The following SULF1 variants were observed in gnomAD, a reference collection of about 807,000 sequenced individuals.
The protein encoded by SULF1 is extracellular sulfatase Sulf-1.
Under a neutral mutation model 110.5 loss-of-function variants are expected in SULF1, and 46 were observed. The ratio of observed to expected loss-of-function variants is 0.42; its 90% CI spans 0.33 to 0.53. The LOEUF (loss-of-function observed/expected upper bound fraction) is 0.53. SULF1 is among the 20% of genes least tolerant of loss of function. SULF1 has a pLI of 0.12. For missense variants in SULF1, 941 were observed against 1,094.2 expected (o/e 0.86, Z 1.98); for synonymous variants, 371 against 387.1 (o/e 0.96, Z 0.49).
chr8:69,632,651 C>A (rs1052922011), intron 19 of SULF1, among the ~76,000 whole-genome samples: 1 of 152,018 alleles, frequency 6.6e-6, no homozygotes, highest in Non-Finnish European at 1.5e-5. Flanking sequence ...ATTATGTACC[C>A]ATATCAATTT....
intron 9 of SULF1, 52 bp downstream of exon 9, chr8:69,600,805 G>A (rs778740283): frequency 1.2e-5 from 19 of 1,573,010 alleles, no homozygotes; most frequent in Non-Finnish European, 1.6e-5. Context: ...CTTCCTTTGT[G>A]TAGACTTATT....
chr8:69,526,579 T>C (rs1812678757), intron 3 of SULF1, among the ~76,000 whole-genome samples: 3 of 131,194 alleles, frequency 2.3e-5, no homozygotes, highest in Admixed American at 1.7e-4. Context: ...CTAGGCAACA[T>C]AGTGAGACAG....
chr8:69,642,786 C>T (rs764869135), intron 22 of SULF1, among the ~76,000 whole-genome samples: 3 of 152,118 alleles, frequency 2.0e-5, no homozygotes, highest in African/African-American at 4.8e-5. Context: ...AGTCATTCTC[C>T]ATGAAGTCAC....
At chr8:69,531,182 T>C (rs16936016) in intron 3 of SULF1, among the ~76,000 whole-genome samples, 30,433 of 152,208 alleles carry the variant, frequency 0.2, 3,714 homozygotes, top group East Asian at 0.51. Context: ...TCAGTGAACA[T>C]GCCTAGCTCA....
chr8:69,583,946 A>G (rs1424939651), intron 6 of SULF1, among the ~76,000 whole-genome samples: 1 of 152,232 alleles, frequency 6.6e-6, no homozygotes, highest in Non-Finnish European at 1.5e-5. Flanking sequence ...AAGCAAAAAT[A>G]GAGAGGTGGG....
intron 3 of SULF1, among the ~76,000 whole-genome samples, chr8:69,554,462 G>T (rs1019740735): frequency 6.6e-6 from 1 of 152,076 alleles, no homozygotes; most frequent in Non-Finnish European, 1.5e-5. Flanking sequence ...CTTCATAAAG[G>T]TTACTTTTTT....
intron 3 of SULF1, among the ~76,000 whole-genome samples, chr8:69,513,124 A>G (rs1296687607): frequency 6.6e-6 from 1 of 152,238 alleles, no homozygotes; most frequent in Non-Finnish European, 1.5e-5. Context: ...AGTTAAGTAC[A>G]CAATAAATGT....
chr8:69,571,565 T>A (rs991719654), intron 5 of SULF1, among the ~76,000 whole-genome samples: 2 of 152,198 alleles, frequency 1.3e-5, no homozygotes, highest in Admixed American at 6.5e-5. Context: ...TATGAAATAA[T>A]TGTTGTAATA....
At chr8:69,538,114 A>G (rs1376833524) in intron 3 of SULF1, among the ~76,000 whole-genome samples, 4 of 151,916 alleles carry the variant, frequency 2.6e-5, no homozygotes, top group Non-Finnish European at 5.9e-5. Context: ...GGCACCAGCC[A>G]CCTCGCCCTG....
intron 13 of SULF1, among the ~76,000 whole-genome samples, chr8:69,610,757 T>C (rs780610402): frequency 6.6e-6 from 1 of 152,256 alleles, no homozygotes; most frequent in Non-Finnish European, 1.5e-5. Context: ...CCCATTCTGC[T>C]TAATTTGTAC....
chr8:69,628,494 A>G (rs1469424699), intron 18 of SULF1, among the ~76,000 whole-genome samples: 4 of 152,180 alleles, frequency 2.6e-5, no homozygotes, highest in Non-Finnish European at 5.9e-5. Context: ...TACCTGGCAG[A>G]TGGGACCAGT....
intron 22 of SULF1, among the ~76,000 whole-genome samples, chr8:69,647,142 A>C (rs944064082): frequency 3.3e-5 from 5 of 151,626 alleles, no homozygotes; most frequent in Non-Finnish European, 5.9e-5. Flanking sequence ...ATGGGGTTTC[A>C]CCATGTTCGT....
intron 19 of SULF1, among the ~76,000 whole-genome samples, chr8:69,635,679 C>T (rs887520215): frequency 1.3e-5 from 2 of 152,048 alleles, no homozygotes; most frequent in Admixed American, 1.3e-4. Context: ...CGAGACCAGC[C>T]TAGGCAACAT....
intron 8 of SULF1, chr8:69,592,768 C>A (rs940150836): frequency 2.8e-5 from 6 of 210,862 alleles, no homozygotes; most frequent in Non-Finnish European, 4.9e-5. Context: ...TCTGGACCTA[C>A]AAAAGGGCAA....
chr8:69,501,301 T>G (rs2150572076), intron 2 of SULF1, among the ~76,000 whole-genome samples: 1 of 152,316 alleles, frequency 6.6e-6, no homozygotes, highest in Middle Eastern at 3.4e-3. Flanking sequence ...ATTGCTTCAT[T>G]TGATACTTAA....
At position 69,529,099 on chromosome 8, in the gene SULF1, A is replaced by C. The variant is rs767900363; in HGVS notation, c.-134+27131A>C. 5.3e-5 allele frequency among the ~76,000 whole-genome samples: 8 copies of C among 152,172 alleles called. No individual in the cohort carries two copies. In the South Asian group the frequency reaches 1.0e-3, roughly 20 times the overall value. ...TTGATACTCTTACTCCAGCTTTACT[A>C]ATAAGGAAACTGAGATCCGGAAAGT... On this transcript the variant is annotated intron_variant, in intron 3 of 22. Coordinates refer to ENST00000402687, the MANE Select transcript of SULF1 (RefSeq NM_001128205.2).
chr8:69,508,353 C>T (rs1242741963), intron 3 of SULF1, among the ~76,000 whole-genome samples: 1 of 152,220 alleles, frequency 6.6e-6, no homozygotes, highest in Non-Finnish European at 1.5e-5. Context: ...GATCCACCCA[C>T]CTTGGCCTTC....
intron 3 of SULF1, among the ~76,000 whole-genome samples, chr8:69,544,425 C>T: frequency 6.6e-6 from 1 of 152,006 alleles, no homozygotes; most frequent in East Asian, 1.9e-4. Flanking sequence ...TGCGCCACCA[C>T]AGCTGGCTAA....
chr8:69,627,380 G>C, intron 16 of SULF1, 74 bp downstream of exon 16: 8 of 1,074,436 alleles, frequency 7.4e-6, no homozygotes, highest in Non-Finnish European at 1.0e-5. Flanking sequence ...TGTGTCTGGT[G>C]GGACATACCA....
Sources: allele counts gnomAD v4.1 joint callset (sites outside exome capture counted in the v4.1 genomes callset), GRCh38; gene constraint gnomAD v4.1.1; transcripts MANE v1.5; gene names NCBI Gene and HGNC (gene_info 2026-07-23, HGNC 2026-07-21).